Variants in BTBD7 observed in about 807,000 individuals in gnomAD.
The protein encoded by BTBD7 is BTB/POZ domain-containing protein 7.
Under a neutral mutation model 99.9 loss-of-function variants are expected in BTBD7, and 38 were observed. That is an observed-to-expected ratio of 0.38 (90% CI 0.29 to 0.50). BTBD7 has a LOEUF of 0.50. BTBD7 is among the 20% of genes least tolerant of loss of function. The pLI is 0.93. For synonymous variants in BTBD7, 520 were observed against 511.4 expected (o/e 1.02, Z -0.23); for missense variants, 1,170 against 1,394.6 (o/e 0.84, Z 2.57).
intron 3 of BTBD7, among the ~76,000 whole-genome samples, chr14:93,278,555 T>C (rs2139735255): frequency 6.6e-6 from 1 of 152,222 alleles, no homozygotes; most frequent in Non-Finnish European, 1.5e-5. Flanking sequence ...TGTGGAAGAG[T>C]AGCTGTGGAA....
At chr14:93,275,023 G>C (rs190164652) in intron 3 of BTBD7, among the ~76,000 whole-genome samples, 102 of 152,266 alleles carry the variant, frequency 6.7e-4, no homozygotes, top group Non-Finnish European at 1.2e-3. Flanking sequence ...AAAAGAAGTA[G>C]GCAATCTCAC....
chr14:93,270,538 C>G (rs909954832), intron 3 of BTBD7, among the ~76,000 whole-genome samples: 3 of 151,852 alleles, frequency 2.0e-5, no homozygotes, highest in African/African-American at 7.3e-5. Context: ...ACTAAAAATA[C>G]AAGAATTAGC....
At chr14:93,277,666 C>T (rs1038507828) in intron 3 of BTBD7, among the ~76,000 whole-genome samples, 1 of 152,142 alleles carries the variant, frequency 6.6e-6, no homozygotes, top group Non-Finnish European at 1.5e-5. Context: ...GCTCTTAGTC[C>T]ATTGCTTACC....
chr14:93,303,089 A>G (rs1218000374), intron 1 of BTBD7, among the ~76,000 whole-genome samples: 2 of 152,344 alleles, frequency 1.3e-5, no homozygotes, highest in East Asian at 3.9e-4. Context: ...ACTGGAACAA[A>G]GCACAGAGTA....
chr14:93,331,116 AT>A (rs2053397623), intron 1 of BTBD7, among the ~76,000 whole-genome samples: 1 of 152,180 alleles, frequency 6.6e-6, no homozygotes, highest in Non-Finnish European at 1.5e-5. Context: ...AAAAAAAAAA[AT>A]CTTCATCAGT....
chr14:93,285,983 A>T (rs1451457788), intron 3 of BTBD7, among the ~76,000 whole-genome samples: 1 of 151,956 alleles, frequency 6.6e-6, no homozygotes, highest in African/African-American at 2.4e-5. Context: ...CAGGATGGGG[A>T]CTCCACAACA....
In BTBD7 at chr14:93,300,782, A is replaced by ATT. The variant is rs1181481151; in HGVS notation, c.-106-4626_-106-4625insAA. Among the ~76,000 whole-genome samples the ATT allele has an allele frequency of 2.0e-4, 13 of 63,754 alleles. 1 individual carries two copies. The highest frequency in any genetic ancestry group is 9.5e-4 in the African/African-American group (12 of 12,650). 41.8% of individuals were successfully genotyped at this position (63,754 alleles called of 152,430 possible). A position where few individuals can be genotyped will look rare whatever the true frequency, so the allele number is the denominator to read the frequency against. On this transcript the variant is annotated intron_variant, in intron 1 of 10. Coordinates refer to ENST00000334746, the MANE Select transcript of BTBD7 (RefSeq NM_001002860.4). Reference sequence around the variant, plus strand: ...TGTGTGTGTGTGTGTGTATATATATATATATTTTTTTTTTGTAGAGATAGG... The same window carrying ATT: ...TGTGTGTGTGTGTGTGTATATATATATTTATATTTTTTTTTTGTAGAGATAGG...
chr14:93,296,973 A>G (rs893586800), intron 1 of BTBD7, among the ~76,000 whole-genome samples: 1 of 152,278 alleles, frequency 6.6e-6, no homozygotes, highest in Non-Finnish European at 1.5e-5. Flanking sequence ...AGAGAGAACA[A>G]GATTAATGGA....
chr14:93,301,713 A>T lies in BTBD7; in HGVS notation c.-106-5556T>A, dbSNP rs149618408. On this transcript the variant is annotated intron_variant, in intron 1 of 10. Coordinates refer to ENST00000334746, the MANE Select transcript of BTBD7 (RefSeq NM_001002860.4). ...AAAACAAAAACAAAAAACCTAAAGA[A>T]AAACCATAATGAAAGAGAAATGTAA... Among the ~76,000 whole-genome samples, 35 of 152,252 alleles carry T rather than the reference A, an allele frequency of 2.3e-4. 1 individual carries two copies. In the South Asian group the frequency reaches 2.7e-3, roughly 12 times the overall value.
intron 3 of BTBD7, among the ~76,000 whole-genome samples, chr14:93,275,289 C>CTA (rs1260175502): frequency 6.6e-6 from 1 of 152,202 alleles, no homozygotes; most frequent in East Asian, 1.9e-4. Context: ...CTTTGTATCC[C>CTA]TATTCCTTTT....
chr14:93,263,649 A>T, intron 4 of BTBD7, 136 bp downstream of exon 4: 3 of 730,374 alleles, frequency 4.1e-6, no homozygotes, highest in South Asian at 3.7e-5. Context: ...AACTATGAAG[A>T]GGGCAGTCCT....
At chr14:93,301,915 C>T (rs1413695123) in intron 1 of BTBD7, among the ~76,000 whole-genome samples, 1 of 152,208 alleles carries the variant, frequency 6.6e-6, no homozygotes, top group Non-Finnish European at 1.5e-5. Context: ...AGACAGACAG[C>T]AGAGCCTGGT....
chr14:93,294,796 T>C lies in BTBD7; in HGVS notation c.224A>G (p.Lys75Arg). 1 of 1,613,996 alleles carries C rather than the reference T, an allele frequency of 6.2e-7. No homozygotes were observed. The highest frequency in any genetic ancestry group is 2.2e-5 in the East Asian group (1 of 44,844). Reference sequence around the variant, plus strand: ...GGCATGATCGGCAGACCTATTAGATTTCCGACGCTTAATAAACTTCTTTTT... The same window carrying C: ...GGCATGATCGGCAGACCTATTAGATCTCCGACGCTTAATAAACTTCTTTTT... ...TLKKKFIKRR[K>R]SNRSADHAKQ... Residue 75 changes from lysine (K) to arginine (R), a missense_variant, in exon 3 of 11, where the codon AAA (lysine) becomes AGA (arginine). Physicochemically the swap from Lys to Arg is conservative, Grantham distance 26. Transcript: ENST00000334746.
chr14:93,305,363 G>C (rs1270308149), intron 1 of BTBD7, among the ~76,000 whole-genome samples: 3 of 152,156 alleles, frequency 2.0e-5, no homozygotes, highest in African/African-American at 7.2e-5. Flanking sequence ...TTAGAGTCTT[G>C]TATATAGTGG....
At chr14:93,244,725 C>A (rs942211859) in intron 10 of BTBD7, among the ~76,000 whole-genome samples, 20 of 152,046 alleles carry the variant, frequency 1.3e-4, no homozygotes, top group Non-Finnish European at 1.8e-4. Flanking sequence ...GAGAAAGGAT[C>A]ATAATTGGAC....
At chr14:93,254,180 G>A (rs1595289593) in intron 6 of BTBD7, among the ~76,000 whole-genome samples, 1 of 152,134 alleles carries the variant, frequency 6.6e-6, no homozygotes, top group South Asian at 2.1e-4. Context: ...CTCGTGATCT[G>A]CCCACCTCGG....
chr14:93,302,477 C>T (rs2053016605), intron 1 of BTBD7, among the ~76,000 whole-genome samples: 1 of 152,062 alleles, frequency 6.6e-6, no homozygotes, highest in Admixed American at 6.5e-5. Context: ...TCTGACCAGG[C>T]AAAGTGGGAT....
In BTBD7 at chr14:93,294,568, G is replaced by A; in HGVS notation, c.452C>T (p.Thr151Ile). 1 of 1,613,790 alleles carries A rather than the reference G, an allele frequency of 6.2e-7. No individual in the cohort carries two copies. The highest frequency in any genetic ancestry group is 8.5e-7 in the Non-Finnish European group (1 of 1,179,906). Residue 151 changes from threonine to isoleucine, a missense_variant, in exon 3 of 11, where the codon ACT (threonine) becomes ATT (isoleucine). Thr to Ile is a moderately conservative substitution (Grantham distance 89, BLOSUM62 -1). Around this residue, in one of 4 missense-constraint regions of BTBD7, gnomAD observed 359 missense variants for 497.9 expected, o/e 0.72. Coordinates refer to ENST00000334746, the MANE Select transcript of BTBD7 (RefSeq NM_001002860.4). ...AATGGCACGATGAACAGGAAAACAAGTTTCTTGAAATATTAAGTCTACATC... is the reference window on the plus strand; with the variant it reads ...AATGGCACGATGAACAGGAAAACAAATTTCTTGAAATATTAAGTCTACATC... The part of the protein sequence containing the change: ...CTDVDLIFQE[T>I]CFPVHRAILA...
intron 3 of BTBD7, among the ~76,000 whole-genome samples, chr14:93,266,827 C>A (rs1050455690): frequency 6.6e-6 from 1 of 152,200 alleles, no homozygotes; most frequent in African/African-American, 2.4e-5. Flanking sequence ...ATAAGGAACA[C>A]AATGAGACCA....
Sources: gnomAD v4.1 joint callset for allele counts (sites outside exome capture counted in the v4.1 genomes callset) on GRCh38, gnomAD v4.1.1 for gene constraint, gnomAD v4.1.1 regional missense constraint, MANE v1.5 for transcripts, NCBI Gene and HGNC (gene_info 2026-07-23, HGNC 2026-07-21) for gene names.